MAMDC2: variants seen among roughly 807,000 people sequenced by gnomAD.
MAMDC2 encodes MAM domain-containing protein 2.
Under a neutral mutation model 89.8 loss-of-function variants are expected in MAMDC2, and 57 were observed. The observed-to-expected ratio is 0.63, with a 90% CI of 0.51 to 0.79. The LOEUF is 0.79. MAMDC2 is among the 30% of genes least tolerant of loss of function. The probability of loss-of-function intolerance (pLI) is 0.00; values close to 1 mark genes in which losing one functional copy is unlikely to be tolerated. For missense variants in MAMDC2, 800 were observed against 820.6 expected (o/e 0.97, Z 0.31); for synonymous variants, 313 against 293.4 (o/e 1.07, Z -0.68).
chr9:70,132,980 A>C (rs2030865787), intron 7 of MAMDC2, among the ~76,000 whole-genome samples: 1 of 152,214 alleles, frequency 6.6e-6, no homozygotes, highest in Non-Finnish European at 1.5e-5. Context: ...TAATGATTTA[A>C]TCCAAACAAT....
chr9:70,203,117 T>C (rs2033140116), intron 11 of MAMDC2, among the ~76,000 whole-genome samples: 2 of 151,380 alleles, frequency 1.3e-5, no homozygotes, highest in African/African-American at 4.8e-5. Context: ...GCTGGTGATT[T>C]TGCTCGTTAG....
intron 11 of MAMDC2, among the ~76,000 whole-genome samples, chr9:70,182,660 T>G (rs1488976924): frequency 6.6e-6 from 1 of 152,206 alleles, no homozygotes; most frequent in Non-Finnish European, 1.5e-5. Flanking sequence ...TTTATAGTAT[T>G]CTCTGATGGT....
chr9:70,206,237 A>C (rs1208594610), intron 11 of MAMDC2, among the ~76,000 whole-genome samples: 2 of 152,222 alleles, frequency 1.3e-5, no homozygotes, highest in Admixed American at 1.3e-4. Context: ...AGAACTGGCC[A>C]ATTTATAAGT....
intron 11 of MAMDC2, among the ~76,000 whole-genome samples, chr9:70,190,199 AG>A (rs2032849182): frequency 2.6e-5 from 4 of 152,028 alleles, no homozygotes; most frequent in South Asian, 4.1e-4. Context: ...TGAATAATAC[AG>A]TTTTACAGAT....
intron 9 of MAMDC2, among the ~76,000 whole-genome samples, chr9:70,160,520 A>T (rs2031934808): frequency 6.6e-6 from 1 of 152,210 alleles, no homozygotes; most frequent in Non-Finnish European, 1.5e-5. Context: ...CCATGAAAAG[A>T]ACATGAACTT....
At chr9:70,188,578 G>A (rs1197992729) in intron 11 of MAMDC2, 2 of 151,790 alleles carry the variant, frequency 1.3e-5, no homozygotes, top group Non-Finnish European at 2.9e-5. Context: ...CAAAGAGGGT[G>A]CACCATTCCT....
chr9:70,214,711 G>T (rs532123705), intron 11 of MAMDC2, among the ~76,000 whole-genome samples: 1 of 152,192 alleles, frequency 6.6e-6, no homozygotes, highest in African/African-American at 2.4e-5. Context: ...TTGGACCAGG[G>T]TGATAGCAGT....
intron 9 of MAMDC2, chr9:70,153,841 C>T (rs1005709310): frequency 2.0e-5 from 3 of 151,996 alleles, no homozygotes; most frequent in African/African-American, 7.3e-5. Context: ...TTGTGTCAGC[C>T]CTTCTCATCT....
intron 9 of MAMDC2, among the ~76,000 whole-genome samples, chr9:70,149,773 A>G (rs2031526332): frequency 6.6e-6 from 1 of 152,174 alleles, no homozygotes; most frequent in Non-Finnish European, 1.5e-5. Flanking sequence ...AACATAGAGA[A>G]CTATTGCTCT....
chr9:70,087,161 C>T (rs1183808505), intron 2 of MAMDC2: 1 of 152,158 alleles, frequency 6.6e-6, no homozygotes, highest in Non-Finnish European at 1.5e-5. Context: ...TTTCCCTGTT[C>T]CCTTGAGGTT....
chr9:70,117,176 T>C (rs2030043359), intron 5 of MAMDC2, among the ~76,000 whole-genome samples: 1 of 152,284 alleles, frequency 6.6e-6, no homozygotes, highest in African/African-American at 2.4e-5. Context: ...AACAAACACA[T>C]AATAAGCACT....
At chr9:70,076,305 C>A (rs923805277) in intron 2 of MAMDC2, among the ~76,000 whole-genome samples, 3 of 151,960 alleles carry the variant, frequency 2.0e-5, no homozygotes, top group Non-Finnish European at 4.4e-5. Context: ...CCTGTAGTTT[C>A]AGCTACTCAG....
chr9:70,156,259 C>G lies in MAMDC2; in HGVS notation c.1404+12440C>G, dbSNP rs138280124. On this transcript the variant is annotated intron_variant, in intron 9 of 13. Coordinates refer to ENST00000377182, the MANE Select transcript of MAMDC2 (RefSeq NM_153267.5). Reference sequence around the variant, plus strand: ...CTTTTAAAATCTTTTTAACTATGCCCTTACAGAATGACAATATGATTACAT... The same window carrying G: ...CTTTTAAAATCTTTTTAACTATGCCGTTACAGAATGACAATATGATTACAT... 1.2e-3 allele frequency among the ~76,000 whole-genome samples: 179 copies of G among 152,248 alleles called. 1 individual carries two copies. The East Asian group carries it at 0.031, about 26-fold the overall frequency.
chr9:70,117,083 G>A (rs774075499), intron 5 of MAMDC2, among the ~76,000 whole-genome samples: 6 of 152,148 alleles, frequency 3.9e-5, no homozygotes, highest in South Asian at 2.1e-4. Context: ...AGCCATCCAG[G>A]GGATTATATA....
At chr9:70,211,765 A>G (rs1369911068) in intron 11 of MAMDC2, among the ~76,000 whole-genome samples, 2 of 152,052 alleles carry the variant, frequency 1.3e-5, no homozygotes, top group Admixed American at 1.3e-4. Flanking sequence ...GGTTTTATCT[A>G]CCTTTGGTCT....
chr9:70,045,606 C>T (rs1826728687), intron 2 of MAMDC2, among the ~76,000 whole-genome samples: 1 of 152,174 alleles, frequency 6.6e-6, no homozygotes, highest in Non-Finnish European at 1.5e-5. Flanking sequence ...GATCCTCCCA[C>T]CTCGCTCCCT....
intron 11 of MAMDC2, among the ~76,000 whole-genome samples, chr9:70,210,438 A>G (rs1046826741): frequency 4.6e-5 from 7 of 152,186 alleles, no homozygotes; most frequent in South Asian, 2.1e-4. Context: ...TGTTTTATCG[A>G]AGACTAGGAT....
chr9:70,097,674 C>A (rs907175224), intron 2 of MAMDC2, among the ~76,000 whole-genome samples: 8 of 152,260 alleles, frequency 5.3e-5, no homozygotes, highest in Middle Eastern at 3.4e-3. Context: ...TTTTCAATTA[C>A]AGATAATTTT....
At chr9:70,053,509 C>A (rs1826960563) in intron 2 of MAMDC2, among the ~76,000 whole-genome samples, 2 of 152,150 alleles carry the variant, frequency 1.3e-5, no homozygotes, top group African/African-American at 2.4e-5. Flanking sequence ...TTGGTGGCGG[C>A]CCTAGGCCAA....
Sources: gnomAD v4.1 joint callset for allele counts (sites outside exome capture counted in the v4.1 genomes callset) on GRCh38, gnomAD v4.1.1 for gene constraint, MANE v1.5 for transcripts, NCBI Gene and HGNC (gene_info 2026-07-23, HGNC 2026-07-21) for gene names.